Variants in RAI14 observed in about 807,000 individuals in gnomAD.
RAI14 encodes the protein ankycorbin.
A neutral mutation model predicts 115.4 loss-of-function variants in RAI14; 45 were observed. The ratio of observed to expected loss-of-function variants is 0.39; its 90% CI spans 0.31 to 0.50. The LOEUF is 0.50. RAI14 is among the 20% of genes least tolerant of loss of function. The probability of loss-of-function intolerance (pLI) is 0.85; values close to 1 mark genes in which losing one functional copy is unlikely to be tolerated. For missense variants in RAI14, 939 were observed against 1,131.2 expected (o/e 0.83, Z 2.44); for synonymous variants, 371 against 415.4 (o/e 0.89, Z 1.30).
At position 34,740,508 on chromosome 5, in the gene RAI14, A is replaced by G. The variant is rs568076215; in HGVS notation, c.37-16960A>G. Among the ~76,000 whole-genome samples the G allele has an allele frequency of 9.8e-5, 15 of 152,356 alleles. No homozygotes were observed. The South Asian group carries it at 1.7e-3, about 17-fold the overall frequency. ...TGAGGCTTCCCATATGGGAACCTCAATGACTTTTCCAAAGTTCTCCATATC... is the reference window on the plus strand; with the variant it reads ...TGAGGCTTCCCATATGGGAACCTCAGTGACTTTTCCAAAGTTCTCCATATC... On this transcript the variant is annotated intron_variant, in intron 2 of 17. Transcript: ENST00000265109.
intron 3 of RAI14, among the ~76,000 whole-genome samples, chr5:34,762,134 G>A (rs1266801961): frequency 1.3e-5 from 2 of 152,176 alleles, no homozygotes; most frequent in Non-Finnish European, 2.9e-5. Flanking sequence ...TAACTTTTCA[G>A]TGTGTTCTTG....
chr5:34,803,705 C>T lies in RAI14; in HGVS notation c.257-7C>T, dbSNP rs778736974. On this transcript the variant is annotated splice_region_variant and splice_polypyrimidine_tract_variant and intron_variant, in intron 4 of 17. Coordinates refer to ENST00000265109, the MANE Select transcript of RAI14 (RefSeq NM_015577.3). ...AAAAAAATTATTATTTGAAAAAATCCATTTAGGACACAGCGCCTTACATCT... is the reference window on the plus strand; with the variant it reads ...AAAAAAATTATTATTTGAAAAAATCTATTTAGGACACAGCGCCTTACATCT... 1.3e-6 allele frequency: 2 copies of T among 1,598,270 alleles called. No individual in the cohort carries two copies. Among genetic ancestry groups the T allele is most frequent in the Non-Finnish European group, 8.5e-7 (1 of 1,172,356 alleles).
intron 1 of RAI14, among the ~76,000 whole-genome samples, chr5:34,671,245 C>A (rs1419242237): frequency 6.6e-6 from 1 of 152,118 alleles, no homozygotes; most frequent in Non-Finnish European, 1.5e-5. Context: ...TAAACTAGCC[C>A]TTTCATAGCA....
chr5:34,756,546 T>C (rs1580150749), intron 2 of RAI14, among the ~76,000 whole-genome samples: 2 of 152,254 alleles, frequency 1.3e-5, no homozygotes, highest in East Asian at 1.9e-4. Context: ...CCAGAGCCTC[T>C]GATATGCTCA....
At chr5:34,661,593 A>G (rs1190864751) in intron 1 of RAI14, among the ~76,000 whole-genome samples, 1 of 152,166 alleles carries the variant, frequency 6.6e-6, no homozygotes, top group Non-Finnish European at 1.5e-5. Flanking sequence ...GATTTATCCT[A>G]TAAGCCACTT....
At position 34,775,225 on chromosome 5, in the gene RAI14, C is replaced by G. The variant is rs529964960; in HGVS notation, c.167+17627C>G. ...TGGGCAAAGATTTCTTGAGTAATAC[C>G]TGACAAGCACAAACAACCAAAACAA... is the stretch of plus-strand genomic sequence containing the variant. On this transcript the variant is annotated intron_variant, in intron 3 of 17. Coordinates refer to ENST00000265109, the MANE Select transcript of RAI14 (RefSeq NM_015577.3). Among the ~76,000 whole-genome samples the G allele has an allele frequency of 8.5e-5, 13 of 152,206 alleles. No homozygotes were observed. The South Asian group carries it at 2.7e-3, about 32-fold the overall frequency.
intron 15 of RAI14, 31 bp downstream of exon 15, chr5:34,824,522 T>C (rs779926604): frequency 2.0e-6 from 3 of 1,489,292 alleles, no homozygotes; most frequent in Non-Finnish European, 2.7e-6. Flanking sequence ...GTTGGGTTTC[T>C]AGCAATAAGT....
chr5:34,672,391 G>T lies in RAI14; in HGVS notation c.-48-14481G>T, dbSNP rs193247261. Among the ~76,000 whole-genome samples the T allele has an allele frequency of 2.1e-3, 319 of 152,164 alleles. 1 individual carries two copies. Among genetic ancestry groups the T allele is most frequent in the Middle Eastern group, 0.014 (4 of 292 alleles). Reference sequence around the variant, plus strand: ...GGTTTGTGGATATGTGTGGGGTGTGGGGGGGGAGCATATTCAGTCTTTACT... The same window carrying T: ...GGTTTGTGGATATGTGTGGGGTGTGTGGGGGGAGCATATTCAGTCTTTACT... On this transcript the variant is annotated intron_variant, in intron 1 of 17. Coordinates refer to ENST00000265109, the MANE Select transcript of RAI14 (RefSeq NM_015577.3).
intron 1 of RAI14, among the ~76,000 whole-genome samples, chr5:34,670,253 G>A (rs1743523696): frequency 6.6e-6 from 1 of 152,212 alleles, no homozygotes. Flanking sequence ...AATTACTGGT[G>A]TTGTCTCACG....
intron 2 of RAI14, among the ~76,000 whole-genome samples, chr5:34,700,010 G>A (rs912476841): frequency 1.2e-4 from 19 of 152,158 alleles, no homozygotes; most frequent in Admixed American, 1.2e-3. Flanking sequence ...GGAGAGGGGC[G>A]GAGAATATGG....
At chr5:34,824,516 G>T in intron 15 of RAI14, 25 bp downstream of exon 15, 1 of 1,508,622 alleles carries the variant, frequency 6.6e-7, no homozygotes, top group South Asian at 1.3e-5. Flanking sequence ...ATTGCTGTTG[G>T]GTTTCTAGCA....
chr5:34,718,709 G>A (rs1742291969), intron 2 of RAI14, among the ~76,000 whole-genome samples: 1 of 152,220 alleles, frequency 6.6e-6, no homozygotes, highest in African/African-American at 2.4e-5. Context: ...ACCACATCCT[G>A]TATGATCTTG....
At chr5:34,790,860 G>A (rs7700485) in intron 3 of RAI14, among the ~76,000 whole-genome samples, 1,582 of 151,428 alleles carry the variant, frequency 0.01, 20 homozygotes, top group African/African-American at 0.037. Context: ...TATTACACAG[G>A]ATATGCCTAC....
At chr5:34,742,029 T>A (rs1745579786) in intron 2 of RAI14, among the ~76,000 whole-genome samples, 1 of 152,016 alleles carries the variant, frequency 6.6e-6, no homozygotes, top group South Asian at 2.1e-4. Flanking sequence ...TTGGACTGAA[T>A]AAGAGGATTG....
chr5:34,674,709 C>T (rs560398287), intron 1 of RAI14, among the ~76,000 whole-genome samples: 17 of 151,692 alleles, frequency 1.1e-4, no homozygotes, highest in African/African-American at 2.4e-4. Flanking sequence ...TTCAGCCTCC[C>T]GAGTAGTAGC....
chr5:34,792,592 G>A (rs1232380385), intron 3 of RAI14, among the ~76,000 whole-genome samples: 1 of 152,180 alleles, frequency 6.6e-6, no homozygotes, highest in Non-Finnish European at 1.5e-5. Flanking sequence ...CAGAGCAGAA[G>A]CTTTTGTGTG....
chr5:34,720,705 C>G (rs866028918), intron 2 of RAI14, among the ~76,000 whole-genome samples: 1 of 151,898 alleles, frequency 6.6e-6, no homozygotes, highest in African/African-American at 2.4e-5. Context: ...CCACCGCGCC[C>G]GGCAGATTTT....
chr5:34,665,425 A>G (rs1430944802), intron 1 of RAI14, among the ~76,000 whole-genome samples: 1 of 150,726 alleles, frequency 6.6e-6, no homozygotes, highest in African/African-American at 2.4e-5. Context: ...CTGATGGAGA[A>G]TAAAAGGCCA....
At chr5:34,754,966 A>G (rs908497462) in intron 2 of RAI14, among the ~76,000 whole-genome samples, 21 of 152,170 alleles carry the variant, frequency 1.4e-4, no homozygotes, top group African/African-American at 4.3e-4. Context: ...AGATTTGATC[A>G]TATCCTTTTG....
Sources: allele counts gnomAD v4.1 joint callset (sites outside exome capture counted in the v4.1 genomes callset), GRCh38; gene constraint gnomAD v4.1.1; transcripts MANE v1.5; gene names NCBI Gene and HGNC (gene_info 2026-07-23, HGNC 2026-07-21).